Variants in ADCY8 observed in about 807,000 individuals in gnomAD.
ADCY8 encodes the protein adenylate cyclase 8.
In ADCY8, 51 loss-of-function variants were observed where a neutral mutation model predicts 119.7. The observed-to-expected ratio is 0.43, with a 90% confidence interval of 0.34 to 0.54. ADCY8 has a LOEUF of 0.54. Among genes scored for constraint, ADCY8 ranks in the 20% least tolerant of loss-of-function variants. The pLI is 0.03. For missense variants in ADCY8, 1,383 were observed against 1,598.8 expected, an observed-to-expected ratio of 0.87 and a Z score of 2.30; for synonymous variants, 665 against 651.0, an observed-to-expected ratio of 1.02 and a Z score of -0.33.
At position 130,897,441 on chromosome 8, in the gene ADCY8, C is replaced by A. The variant is rs74685823; in HGVS notation, c.1911+6331G>T. On this transcript the variant is annotated intron_variant, in intron 7 of 17. Transcript: ENST00000286355. ...TTTGCCAACTCAAGTGGGACTAAAT[C>A]AAATTGTTGTTTGTTTGTTTTTACT... 1.2e-4 allele frequency among the ~76,000 whole-genome samples: 18 copies of A among 152,008 alleles called. No individual in the cohort carries two copies. In the East Asian group the frequency reaches 3.3e-3, roughly 28 times the overall value.
Position 130,884,848 on chromosome 8 carries a change from T to C in ADCY8, c.1912-87A>G, listed in dbSNP as rs1818918467. 4.8e-6 allele frequency: 6 copies of C among 1,258,140 alleles called. No homozygotes were observed. In the East Asian group the frequency reaches 7.0e-5, roughly 15 times the overall value. 77.9% of individuals were successfully genotyped at this position (1,258,140 alleles called of 1,614,324 possible). A position where few individuals can be genotyped will look rare whatever the true frequency, so the allele number is the denominator to read the frequency against. On this transcript the variant is annotated intron_variant, in intron 7 of 17. Transcript: ENST00000286355. ...TGCAATGTTTTTAAATCATGTTGCA[T>C]TGCAAACAGTAATAGCATTCCATGC...
At chr8:130,836,789 A>AGTG (rs1316781068) in intron 11 of ADCY8, among the ~76,000 whole-genome samples, 1 of 152,146 alleles carries the variant, frequency 6.6e-6, no homozygotes. Context: ...GCTGGAGGGC[A>AGTG]GTGGTATCAT....
chr8:131,002,682 C>A (rs555127952), intron 1 of ADCY8, among the ~76,000 whole-genome samples: 1 of 151,512 alleles, frequency 6.6e-6, no homozygotes, highest in Admixed American at 6.6e-5. Flanking sequence ...AAAAATGAGG[C>A]CTCCTGAACT....
intron 14 of ADCY8, among the ~76,000 whole-genome samples, chr8:130,805,365 A>T (rs755497728): frequency 2.0e-5 from 3 of 152,226 alleles, no homozygotes; most frequent in Non-Finnish European, 4.4e-5. Context: ...TATAGCAACA[A>T]CAACAGCAGT....
intron 7 of ADCY8, among the ~76,000 whole-genome samples, chr8:130,903,426 G>A (rs889389643): frequency 1.1e-4 from 16 of 144,772 alleles, no homozygotes; most frequent in East Asian, 2.1e-4. Flanking sequence ...CTCCCCTTTA[G>A]TTTAATAACA....
chr8:130,849,431 A>G (rs1013062994), intron 10 of ADCY8, among the ~76,000 whole-genome samples, 171 bp downstream of exon 10: 3 of 152,212 alleles, frequency 2.0e-5, no homozygotes, highest in African/African-American at 7.2e-5. Flanking sequence ...TAAAATGCAC[A>G]GTTTTGGCAG....
intron 15 of ADCY8, among the ~76,000 whole-genome samples, chr8:130,786,382 G>A (rs1407185256): frequency 6.6e-6 from 1 of 152,160 alleles, no homozygotes; most frequent in Non-Finnish European, 1.5e-5. Context: ...TTTAGCAATG[G>A]TGGTAGGCAG....
At chr8:130,914,217 G>A (rs1190671894) in intron 5 of ADCY8, among the ~76,000 whole-genome samples, 4 of 152,142 alleles carry the variant, frequency 2.6e-5, no homozygotes, top group Non-Finnish European at 5.9e-5. Context: ...AGTTTCCATA[G>A]TTGTAAAATA....
intron 14 of ADCY8, among the ~76,000 whole-genome samples, chr8:130,804,703 T>C (rs907988004): frequency 6.6e-6 from 1 of 152,152 alleles, no homozygotes; most frequent in Admixed American, 6.5e-5. Context: ...TAACGATTGT[T>C]TGTCTCCCTG....
chr8:130,916,008 C>T (rs559893831), intron 5 of ADCY8, among the ~76,000 whole-genome samples: 5 of 152,224 alleles, frequency 3.3e-5, no homozygotes, highest in South Asian at 2.1e-4. Flanking sequence ...TTGCCCAGGG[C>T]GTTTTGTGCA....
At chr8:130,828,967 G>T (rs1056249876) in intron 12 of ADCY8, among the ~76,000 whole-genome samples, 2 of 152,292 alleles carry the variant, frequency 1.3e-5, no homozygotes, top group East Asian at 3.9e-4. Context: ...CAAATGTCAC[G>T]TAGTCTCTCC....
rs1357385148 is a variant in ADCY8, at chr8:130,990,427, G to C, written c.1076C>G (p.Ala359Gly). 6.2e-7 allele frequency: 1 copy of C among 1,614,174 alleles called. No homozygotes were observed. The highest frequency in any genetic ancestry group is 8.5e-7 in the Non-Finnish European group (1 of 1,180,012). ...GTTCTCTGTCTCCAGGCGCAGCCTG[G>C]CCTCCACACACCTCCGAGTCTCCAG... ...AFLETRRCVE[A>G]RLRLETENQR... The change falls in exon 2 of 18, where the codon GCC (alanine) becomes GGC (glycine). Residue 359 changes from alanine to glycine, a missense_variant. Physicochemically the swap from Ala to Gly is moderately conservative, Grantham distance 60 (BLOSUM62 0). Around this residue, in one of 2 missense-constraint regions of ADCY8, gnomAD observed 928 missense variants for 1,163.5 expected, o/e 0.80. Transcript: ENST00000286355.
intron 3 of ADCY8, among the ~76,000 whole-genome samples, chr8:130,948,097 G>C (rs1274847180): frequency 6.6e-6 from 1 of 152,170 alleles, no homozygotes; most frequent in Non-Finnish European, 1.5e-5. Context: ...AGGCCCAAGG[G>C]ATGGTAGTTA....
chr8:130,901,716 C>T (rs1563720881), intron 7 of ADCY8, among the ~76,000 whole-genome samples: 2 of 152,110 alleles, frequency 1.3e-5, no homozygotes, highest in Admixed American at 6.6e-5. Context: ...ATTGGTGGCA[C>T]GCGGTTATTC....
intron 8 of ADCY8, among the ~76,000 whole-genome samples, chr8:130,881,644 TA>T (rs1256159999): frequency 6.6e-6 from 1 of 152,114 alleles, no homozygotes; most frequent in African/African-American, 2.4e-5. Flanking sequence ...TGTATGTATT[TA>T]AAAAATTCTA....
chr8:130,989,043 A>G (rs1822492876), intron 2 of ADCY8, among the ~76,000 whole-genome samples: 1 of 152,236 alleles, frequency 6.6e-6, no homozygotes, highest in Non-Finnish European at 1.5e-5. Context: ...CACGAACATA[A>G]TACAGTAGTC....
At chr8:130,949,093 T>C (rs1046513323) in intron 3 of ADCY8, among the ~76,000 whole-genome samples, 9 of 151,796 alleles carry the variant, frequency 5.9e-5, no homozygotes, top group African/African-American at 2.2e-4. Flanking sequence ...TACTGTGGCG[T>C]GAACTTCTGG....
At position 130,909,708 on chromosome 8, in the gene ADCY8, C is replaced by T. The variant is rs1202147759; in HGVS notation, c.1640G>A (p.Gly547Glu). The T allele has an allele frequency of 6.2e-7, 1 of 1,614,052 alleles. No individual in the cohort carries two copies. Among genetic ancestry groups the T allele is most frequent in the Non-Finnish European group, 8.5e-7 (1 of 1,179,970 alleles). The change falls in exon 6 of 18, where the codon GGG becomes GAG. Residue 547 changes from glycine to glutamate, a missense_variant and splice_region_variant. Physicochemically the swap from Gly to Glu is moderately conservative, Grantham distance 98. This residue lies in a region of ADCY8 where 928 missense variants were observed against 1,163.5 expected (regional missense o/e 0.80). Transcript: ENST00000286355. ...ANKLESGGIPGRIHISKATLD... is the reference protein window; with the variant it reads ...ANKLESGGIPERIHISKATLD... ...TGAAAAGGGCTTTGCTTTATCTTAC[C>T]CAGGGATTCCTCCAGATTCGAGTTT...
At chr8:130,978,882 C>T (rs1439946236) in intron 2 of ADCY8, among the ~76,000 whole-genome samples, 1 of 152,076 alleles carries the variant, frequency 6.6e-6, no homozygotes, top group African/African-American at 2.4e-5. Context: ...AGAAAAAAGT[C>T]AATTAGTATA....
Sources: allele counts gnomAD v4.1 joint callset (sites outside exome capture counted in the v4.1 genomes callset), GRCh38; gene constraint gnomAD v4.1.1; regional missense constraint gnomAD v4.1.1; transcripts MANE v1.5; gene names NCBI Gene and HGNC (gene_info 2026-07-23, HGNC 2026-07-21).